The following WASF3 variants were observed in gnomAD, a reference collection of about 807,000 sequenced individuals.
The protein encoded by WASF3 is WASP family member 3, also known as actin-binding protein WASF3.
In WASF3, 11 loss-of-function variants were observed where a neutral mutation model predicts 46.6. The ratio of observed to expected loss-of-function variants is 0.24; its 90% CI spans 0.15 to 0.39. The LOEUF is 0.39. WASF3 is among the 10% of genes least tolerant of loss of function. The pLI, the probability that WASF3 is intolerant of heterozygous loss-of-function variation, is 1.00. For synonymous variants in WASF3, 242 were observed against 259.7 expected, an observed-to-expected ratio of 0.93 and a Z score of 0.65; for missense variants, 576 against 669.8, an observed-to-expected ratio of 0.86 and a Z score of 1.55.
At chr13:26,678,918 TCCTCCCGTGTGGTGTCGCCTCTGGC>T (rs1463474685) in intron 7 of WASF3, among the ~76,000 whole-genome samples, 2 of 152,152 alleles carry the variant, frequency 1.3e-5, no homozygotes, top group Non-Finnish European at 2.9e-5. Context: ...TGTGCCTACT[TCCTCCCGTGTGGTGTCGCCTCTGGC>T]CCTCCCGGCC....
At chr13:26,594,310 G>C (rs933837099) in intron 1 of WASF3, among the ~76,000 whole-genome samples, 2 of 151,968 alleles carry the variant, frequency 1.3e-5, no homozygotes, top group Non-Finnish European at 2.9e-5. Context: ...TGGTTCCCCC[G>C]GTACCTCAAG....
Position 26,681,266 on chromosome 13 carries a change from C to T in WASF3, c.929C>T (p.Pro310Leu), listed in dbSNP as rs539301981. Residue 310 changes from proline (P) to leucine (L), a missense_variant, in exon 8 of 10, where the codon CCT (proline) becomes CTT (leucine). Physicochemically the swap from Pro to Leu is moderately conservative, Grantham distance 98. Transcript: ENST00000335327. ...RPQQPPPPPP[P>L]QAPEGSQASA... ...CAGCAGCCGCCCCCCCCGCCTCCCC[C>T]TCAGGCCCCAGAGGGGTCCCAGGCC... is the stretch of plus-strand genomic sequence containing the variant. 2.5e-6 allele frequency: 4 copies of T among 1,613,350 alleles called. No individual in the cohort carries two copies. In the South Asian group the frequency reaches 3.3e-5, roughly 13 times the overall value.
At chr13:26,574,717 T>C (rs1480357600) in intron 1 of WASF3, among the ~76,000 whole-genome samples, 2 of 152,206 alleles carry the variant, frequency 1.3e-5, no homozygotes, top group Admixed American at 1.3e-4. Flanking sequence ...ATTTACTCTG[T>C]TCATTTATTG....
intron 3 of WASF3, among the ~76,000 whole-genome samples, chr13:26,656,584 C>T (rs1438798658): frequency 1.3e-5 from 2 of 151,862 alleles, no homozygotes; most frequent in Non-Finnish European, 2.9e-5. Context: ...ACATGACTTC[C>T]TGGTAATAAA....
intron 3 of WASF3, among the ~76,000 whole-genome samples, chr13:26,660,664 C>G (rs2137454958): frequency 6.6e-6 from 1 of 151,772 alleles, no homozygotes; most frequent in East Asian, 1.9e-4. Flanking sequence ...TTTTTCAGTG[C>G]AGAATTCTAG....
At chr13:26,675,242 G>A (rs558281530) in intron 6 of WASF3, among the ~76,000 whole-genome samples, 1 of 152,124 alleles carries the variant, frequency 6.6e-6, no homozygotes, top group African/African-American at 2.4e-5. Flanking sequence ...TGGGATAAAG[G>A]CCTCTAAGGT....
At chr13:26,633,217 C>CTTTAGGCAGAGT (rs1881711566) in intron 2 of WASF3, among the ~76,000 whole-genome samples, 1 of 20,830 alleles carries the variant, frequency 4.8e-5, no homozygotes, top group African/African-American at 1.8e-4. Context: ...TTTTTTTTTT[C>CTTTAGGCAGAGT]TTGAGGCAGA....
At chr13:26,566,805 C>T (rs568277356) in intron 1 of WASF3, among the ~76,000 whole-genome samples, 69 of 152,306 alleles carry the variant, frequency 4.5e-4, no homozygotes, top group Non-Finnish European at 4.7e-4. Flanking sequence ...AGCTATACGC[C>T]GCAGGAGAAG....
intron 2 of WASF3, among the ~76,000 whole-genome samples, chr13:26,625,297 G>A (rs1193836447): frequency 3.9e-5 from 6 of 152,112 alleles, no homozygotes; most frequent in African/African-American, 1.4e-4. Flanking sequence ...ATGGAATTTG[G>A]CTCACACAAT....
intron 6 of WASF3, among the ~76,000 whole-genome samples, chr13:26,674,636 T>C (rs1883010854): frequency 2.0e-5 from 3 of 152,248 alleles, no homozygotes; most frequent in Admixed American, 2.0e-4. Flanking sequence ...AAAAATGTAC[T>C]TCATTCTTTT....
chr13:26,602,338 A>G (rs1488260640), intron 1 of WASF3, among the ~76,000 whole-genome samples: 1 of 152,212 alleles, frequency 6.6e-6, no homozygotes, highest in Non-Finnish European at 1.5e-5. Flanking sequence ...TTTTGGCAAT[A>G]ATGAGTTACT....
At position 26,682,972 on chromosome 13, in the gene WASF3, T is replaced by C; in HGVS notation, c.1349T>C (p.Met450Thr). ...AGCGACCTCCTCGCTGCTATTCGAA[T>C]GGGTAAGTGGAGCCCCCAGACACAC... ...ARSDLLAAIR[M>T]GIQLKKVQEQ... Residue 450 changes from methionine (M) to threonine (T), a missense_variant and splice_region_variant, in exon 9 of 10, where the codon ATG becomes ACG. Physicochemically the swap from Met to Thr is moderately conservative, Grantham distance 81. Coordinates refer to ENST00000335327, the MANE Select transcript of WASF3 (RefSeq NM_006646.6). The surrounding 1 kb of genome is among the most constrained non-coding windows in gnomAD (Gnocchi z 4.4). The C allele has an allele frequency of 6.2e-7, 1 of 1,600,164 alleles. No individual in the cohort carries two copies. The highest frequency in any genetic ancestry group is 8.5e-7 in the Non-Finnish European group (1 of 1,179,042).
chr13:26,577,616 A>G, intron 1 of WASF3: 4 of 1,176,004 alleles, frequency 3.4e-6, no homozygotes, highest in Non-Finnish European at 5.0e-6. Flanking sequence ...CACTGGGAGC[A>G]AGACAGGTGC....
At chr13:26,680,757 A>G (rs185932649) in intron 7 of WASF3, among the ~76,000 whole-genome samples, 1 of 152,278 alleles carries the variant, frequency 6.6e-6, no homozygotes, top group East Asian at 1.9e-4. Flanking sequence ...GAGAAAACGT[A>G]TGCTGAAATA....
chr13:26,644,723 GT>G (rs1882097733), intron 3 of WASF3, among the ~76,000 whole-genome samples: 1 of 152,096 alleles, frequency 6.6e-6, no homozygotes, highest in African/African-American at 2.4e-5. Flanking sequence ...TCATCTGGGG[GT>G]GAAAAAGCCG....
chr13:26,577,757 G>T (rs1398150283), intron 1 of WASF3: 1 of 663,104 alleles, frequency 1.5e-6, no homozygotes, highest in Non-Finnish European at 2.6e-6. Context: ...ATTGACATTG[G>T]TACAATCTGC....
intron 2 of WASF3, 54 bp from the exon 3 acceptor site, chr13:26,642,207 A>G: frequency 2.1e-6 from 3 of 1,449,878 alleles, no homozygotes; most frequent in Admixed American, 2.7e-5. Flanking sequence ...TTAAAATTCC[A>G]GATTTGTTAA....
intron 1 of WASF3, among the ~76,000 whole-genome samples, chr13:26,559,262 G>A (rs1202876515): frequency 6.6e-6 from 1 of 152,142 alleles, no homozygotes; most frequent in Non-Finnish European, 1.5e-5. Flanking sequence ...CTTTTCACAT[G>A]TTTAAATATT....
At position 26,681,151 on chromosome 13, in the gene WASF3, G is replaced by C. The variant is rs762342891; in HGVS notation, c.814G>C (p.Val272Leu). ...PVTPSYAAGD[V>L]PPHGPASQAA... ...GACCCCTTCCTATGCAGCTGGTGAC[G>C]TGCCACCACACGGGCCTGCAAGCCA... is the stretch of plus-strand genomic sequence containing the variant. Residue 272 changes from valine to leucine, a missense_variant, in exon 8 of 10, where the codon GTG (valine) becomes CTG (leucine). By Grantham distance (32) the Val-to-Leu change is conservative. Around this residue, in one of 3 missense-constraint regions of WASF3, gnomAD observed 295 missense variants for 291.5 expected, o/e 1.01. Coordinates refer to ENST00000335327, the MANE Select transcript of WASF3 (RefSeq NM_006646.6). The C allele has an allele frequency of 1.2e-6, 2 of 1,614,084 alleles. No individual in the cohort carries two copies. The highest frequency in any genetic ancestry group is 3.3e-5 in the Admixed American group (2 of 60,008).
Sources: gnomAD v4.1 joint callset for allele counts (sites outside exome capture counted in the v4.1 genomes callset) on GRCh38, gnomAD v4.1.1 for gene constraint, gnomAD v4.1.1 regional missense constraint, Gnocchi (gnomAD v3.1) non-coding constraint, MANE v1.5 for transcripts, NCBI Gene and HGNC (gene_info 2026-07-23, HGNC 2026-07-21) for gene names.